MAPKAPK5: variants seen among roughly 807,000 people sequenced by gnomAD.
MAPKAPK5 encodes the protein MAP kinase-activated protein kinase 5.
MAPKAPK5 carries 30 observed loss-of-function variants against 65.1 expected under a neutral mutation model. That is an observed-to-expected ratio of 0.46 (90% CI 0.34 to 0.63). The LOEUF (loss-of-function observed/expected upper bound fraction) is 0.63. MAPKAPK5 is among the 20% of genes least tolerant of loss of function. MAPKAPK5 has a pLI of 0.01. For missense variants in MAPKAPK5, 433 were observed against 581.4 expected (o/e 0.74, Z 2.63); for synonymous variants, 179 against 204.6 (o/e 0.87, Z 1.07).
At chr12:111,863,304 C>T (rs1449480619) in intron 1 of MAPKAPK5, among the ~76,000 whole-genome samples, 1 of 152,150 alleles carries the variant, frequency 6.6e-6, no homozygotes, top group Non-Finnish European at 1.5e-5. Context: ...TTTAGTCTGC[C>T]TTTCTAGGGA....
intron 3 of MAPKAPK5, 134 bp downstream of exon 3, chr12:111,866,365 C>A: frequency 1.5e-6 from 1 of 683,408 alleles, no homozygotes; most frequent in South Asian, 1.9e-5. Flanking sequence ...CTCTCTTCCC[C>A]ATTCATGCTA....
chr12:111,857,129 A>G (rs2069266728), intron 1 of MAPKAPK5, among the ~76,000 whole-genome samples: 1 of 152,032 alleles, frequency 6.6e-6, no homozygotes, highest in Non-Finnish European at 1.5e-5. Context: ...ATATCTTTAT[A>G]TGTTATAACC....
At chr12:111,847,100 G>A (rs1360419655) in intron 1 of MAPKAPK5, among the ~76,000 whole-genome samples, 1 of 151,998 alleles carries the variant, frequency 6.6e-6, no homozygotes, top group Non-Finnish European at 1.5e-5. Flanking sequence ...CCAACACTTT[G>A]GGAGGCTGAG....
chr12:111,849,965 C>A (rs1039155659), intron 1 of MAPKAPK5, among the ~76,000 whole-genome samples: 1 of 151,796 alleles, frequency 6.6e-6, no homozygotes, highest in Non-Finnish European at 1.5e-5. Context: ...CTCAAGCAGT[C>A]GTCACACTTT....
At chr12:111,853,328 C>T (rs977443738) in intron 1 of MAPKAPK5, among the ~76,000 whole-genome samples, 4 of 151,538 alleles carry the variant, frequency 2.6e-5, no homozygotes, top group South Asian at 2.1e-4. Flanking sequence ...GCCAAGATGG[C>T]GCCACTGCAC....
chr12:111,885,828 C>T (rs940221639), intron 9 of MAPKAPK5, 88 bp from the exon 10 acceptor site: 2 of 1,556,272 alleles, frequency 1.3e-6, no homozygotes, highest in African/African-American at 2.7e-5. Flanking sequence ...CAGAAGTAAC[C>T]AGAACTGTTT....
rs1283347057 is a variant in MAPKAPK5, at chr12:111,897,471, T to C, written c.*4410T>C. 2 of 152,160 alleles carry C rather than the reference T, an allele frequency of 1.3e-5. No individual in the cohort carries two copies. Among genetic ancestry groups the C allele is most frequent in the Admixed American group, 1.3e-4 (2 of 15,266 alleles). 9.4% of individuals were successfully genotyped at this position (152,160 alleles called of 1,614,324 possible). ...TCATTTTAATTATTTATTTAAAGAG[T>C]AGAGTGTTCTTCCATTATTGAATCT... On this transcript the variant is annotated 3_prime_UTR_variant, in exon 14 of 14. Coordinates refer to ENST00000550735, the MANE Select transcript of MAPKAPK5 (RefSeq NM_003668.4).
At chr12:111,862,076 C>G (rs1249460492) in intron 1 of MAPKAPK5, among the ~76,000 whole-genome samples, 2,714 of 152,196 alleles carry the variant, frequency 0.018, 89 homozygotes, top group African/African-American at 0.06. Context: ...ATTGACCATG[C>G]CTTCCTACCT....
chr12:111,899,992 G>A lies in MAPKAPK5; in HGVS notation c.*6931G>A, dbSNP rs748878902. 5.3e-5 allele frequency: 24 copies of A among 455,910 alleles called. No individual in the cohort carries two copies. The highest frequency in any genetic ancestry group is 2.3e-4 in the South Asian group (15 of 64,560). 28.2% of individuals were successfully genotyped at this position (455,910 alleles called of 1,614,324 possible). A position where few individuals can be genotyped will look rare whatever the true frequency, so the allele number is the denominator to read the frequency against. On this transcript the variant is annotated 3_prime_UTR_variant, in exon 14 of 14. Coordinates refer to ENST00000550735, the MANE Select transcript of MAPKAPK5 (RefSeq NM_003668.4). ...ATGTTTGTCGTGGTCAACAACCAGC[G>A]GTTCCAGATGTGGGGCAGTAACGTC...
chr12:111,872,655 A>G (rs2069820566), intron 7 of MAPKAPK5, among the ~76,000 whole-genome samples: 1 of 152,210 alleles, frequency 6.6e-6, no homozygotes, highest in Non-Finnish European at 1.5e-5. Flanking sequence ...AGGTGTCAGC[A>G]GGGCTGTGTT....
chr12:111,884,185 C>A (rs2070329275), intron 9 of MAPKAPK5, among the ~76,000 whole-genome samples: 1 of 152,110 alleles, frequency 6.6e-6, no homozygotes. Context: ...GTTTGTCAGG[C>A]CTGGACCCCA....
At chr12:111,866,256 T>C (rs1307629082) in intron 3 of MAPKAPK5, 25 bp downstream of exon 3, 1 of 1,589,626 alleles carries the variant, frequency 6.3e-7, no homozygotes, top group Non-Finnish European at 8.6e-7. Context: ...CTCGACTTAA[T>C]TAAATAGTTG....
rs1383331473 is a variant in MAPKAPK5, at chr12:111,900,864, A to G, written c.*7803A>G. 1 of 455,960 alleles carries G rather than the reference A, an allele frequency of 2.2e-6. No homozygotes were observed. The highest frequency in any genetic ancestry group is 2.0e-5 in the African/African-American group (1 of 50,076). The allele number at this position is 455,960 out of a possible 1,614,324, so 28.2% of individuals were successfully genotyped here. A position where few individuals can be genotyped will look rare whatever the true frequency, so the allele number is the denominator to read the frequency against. On this transcript the variant is annotated 3_prime_UTR_variant, in exon 14 of 14. Coordinates refer to ENST00000550735, the MANE Select transcript of MAPKAPK5 (RefSeq NM_003668.4). The stretch of plus-strand genomic sequence containing the variant: ...TTACGAGTGCCTTAAAGTTCATTGT[A>G]TGGACCCTAATAATCAGTGCTTACA...
chr12:111,893,103 A>G lies in MAPKAPK5; in HGVS notation c.*42A>G. 7.4e-7 allele frequency: 1 copy of G among 1,344,648 alleles called. No individual in the cohort carries two copies. The highest frequency in any genetic ancestry group is 1.0e-6 in the Non-Finnish European group (1 of 978,462). 83.3% of individuals were successfully genotyped at this position (1,344,648 alleles called of 1,614,324 possible). On this transcript the variant is annotated 3_prime_UTR_variant, in exon 14 of 14. Transcript: ENST00000550735. Reference sequence around the variant, plus strand: ...TGTTTTTTTAACAATTTGAAAAATTATTCTTTAATGTATAAAGTAATTTTA... The same window carrying G: ...TGTTTTTTTAACAATTTGAAAAATTGTTCTTTAATGTATAAAGTAATTTTA...
At chr12:111,891,637 C>CAAAAAAAAAAA (rs78504500) in intron 13 of MAPKAPK5, among the ~76,000 whole-genome samples, 14 of 85,974 alleles carry the variant, frequency 1.6e-4, no homozygotes, top group Non-Finnish European at 2.0e-4. Flanking sequence ...ACTAAAAATA[C>CAAAAAAAAAAA]AAAAAAAAAA....
In MAPKAPK5 at chr12:111,869,011, A is replaced by C. The variant is rs2069696253; in HGVS notation, c.393+150A>C. ...ATGTAATCAGAAAAGATGTTTTGAC[A>C]GGAGAAATGTGACCCCTTTTATACT... is the stretch of plus-strand genomic sequence containing the variant. On this transcript the variant is annotated intron_variant, in intron 5 of 13. Coordinates refer to ENST00000550735, the MANE Select transcript of MAPKAPK5 (RefSeq NM_003668.4). 9.3e-6 allele frequency: 6 copies of C among 644,292 alleles called. No individual in the cohort carries two copies. In the South Asian group the frequency reaches 1.3e-4, roughly 13 times the overall value. The allele number at this position is 644,292 out of a possible 1,614,324, so 39.9% of individuals were successfully genotyped here.
intron 12 of MAPKAPK5, 90 bp from the exon 13 acceptor site, chr12:111,889,950 C>A: frequency 2.6e-6 from 2 of 771,140 alleles, no homozygotes; most frequent in South Asian, 3.2e-5. Context: ...CATTTTTCAA[C>A]CAGTTGGACA....
At chr12:111,852,744 G>C (rs1367986839) in intron 1 of MAPKAPK5, among the ~76,000 whole-genome samples, 4 of 151,966 alleles carry the variant, frequency 2.6e-5, no homozygotes, top group Admixed American at 2.0e-4. Flanking sequence ...AGTTTCCAGT[G>C]TATAAATCTA....
chr12:111,865,176 T>C, intron 1 of MAPKAPK5, 74 bp from the exon 2 acceptor site: 1 of 901,160 alleles, frequency 1.1e-6, no homozygotes. Context: ...GGTCTTCTGT[T>C]GTCCCATCTC....
Sources: gnomAD v4.1 joint callset for allele counts (sites outside exome capture counted in the v4.1 genomes callset) on GRCh38, gnomAD v4.1.1 for gene constraint, MANE v1.5 for transcripts, NCBI Gene and HGNC (gene_info 2026-07-23, HGNC 2026-07-21) for gene names.